The following SEMA6D variants were observed in gnomAD, a reference collection of about 807,000 sequenced individuals.
The protein encoded by SEMA6D is semaphorin 6D.
SEMA6D carries 35 observed loss-of-function variants against 106.6 expected under a neutral mutation model. The ratio of observed to expected loss-of-function variants is 0.33; its 90% CI spans 0.25 to 0.44. The LOEUF is 0.44. Among genes scored for constraint, SEMA6D ranks in the 20% least tolerant of loss-of-function variants. SEMA6D has a pLI of 1.00. For missense variants in SEMA6D, 1,185 were observed against 1,345.9 expected (o/e 0.88, Z 1.87); for synonymous variants, 499 against 487.7 (o/e 1.02, Z -0.31).
chr15:47,748,177 A>C (rs1446086537), intron 1 of SEMA6D, among the ~76,000 whole-genome samples: 2 of 152,230 alleles, frequency 1.3e-5, no homozygotes, highest in African/African-American at 4.8e-5. Context: ...CAGCACCTGA[A>C]GCTCATGAAC....
intron 2 of SEMA6D, among the ~76,000 whole-genome samples, chr15:47,460,533 T>C (rs1034183677): frequency 1.3e-5 from 2 of 152,122 alleles, no homozygotes; most frequent in African/African-American, 4.8e-5. Context: ...TACATCATGA[T>C]GCTGTGTGCT....
At chr15:47,580,870 T>TCAAC (rs2076243698) in intron 3 of SEMA6D, among the ~76,000 whole-genome samples, 1 of 152,224 alleles carries the variant, frequency 6.6e-6, no homozygotes, top group Non-Finnish European at 1.5e-5. Context: ...TGTGTTTGCT[T>TCAAC]ATGCATGAGT....
chr15:47,337,435 G>A (rs916926998), intron 1 of SEMA6D, among the ~76,000 whole-genome samples: 1 of 152,126 alleles, frequency 6.6e-6, no homozygotes, highest in Non-Finnish European at 1.5e-5. Context: ...GCTACAAATG[G>A]GTCTTGACAG....
At chr15:47,618,826 A>C (rs2077050794) in intron 4 of SEMA6D, among the ~76,000 whole-genome samples, 1 of 152,258 alleles carries the variant, frequency 6.6e-6, no homozygotes, top group Non-Finnish European at 1.5e-5. Flanking sequence ...TCATCTATAC[A>C]GTAGGGCTAT....
At chr15:47,477,158 A>G (rs1161385330) in intron 3 of SEMA6D, among the ~76,000 whole-genome samples, 4 of 151,036 alleles carry the variant, frequency 2.6e-5, no homozygotes, top group Admixed American at 2.0e-4. Context: ...ATTGCGTAGC[A>G]CTTGTTTTTG....
chr15:47,281,790 A>T (rs1283512256), intron 1 of SEMA6D, among the ~76,000 whole-genome samples: 2 of 152,148 alleles, frequency 1.3e-5, no homozygotes, highest in African/African-American at 2.4e-5. Context: ...TTGTTGTAAC[A>T]TTCTGGAACC....
chr15:47,589,648 A>G (rs1447699702), intron 3 of SEMA6D, among the ~76,000 whole-genome samples: 1 of 152,228 alleles, frequency 6.6e-6, no homozygotes, highest in African/African-American at 2.4e-5. Context: ...TCTTGCATAC[A>G]TATTTCCTTG....
chr15:47,600,187 C>T (rs1033457284), intron 3 of SEMA6D, among the ~76,000 whole-genome samples: 3 of 152,098 alleles, frequency 2.0e-5, no homozygotes, highest in Non-Finnish European at 2.9e-5. Context: ...AACTGAATAC[C>T]TAACTCAGCA....
intron 2 of SEMA6D, among the ~76,000 whole-genome samples, chr15:47,420,494 G>A (rs2041118052): frequency 6.6e-6 from 1 of 151,910 alleles, no homozygotes; most frequent in Non-Finnish European, 1.5e-5. Flanking sequence ...CCCCCTCTGT[G>A]CATGCTAGTT....
intron 4 of SEMA6D, among the ~76,000 whole-genome samples, chr15:47,633,536 G>A (rs1434402501): frequency 1.3e-5 from 2 of 152,082 alleles, no homozygotes; most frequent in Non-Finnish European, 2.9e-5. Flanking sequence ...TTTATCTGTG[G>A]TTGCTTTCAC....
chr15:47,362,696 TG>T (rs1265417963), intron 1 of SEMA6D, among the ~76,000 whole-genome samples: 1 of 152,186 alleles, frequency 6.6e-6, no homozygotes, highest in Non-Finnish European at 1.5e-5. Flanking sequence ...GAGCAGTGGC[TG>T]TGGCCAGCCA....
At chr15:47,750,895 AGTACCGATT>A (rs1302305216) in intron 1 of SEMA6D, among the ~76,000 whole-genome samples, 12 of 152,180 alleles carry the variant, frequency 7.9e-5, no homozygotes, top group Non-Finnish European at 1.5e-4. Context: ...GTGGGGTAGC[AGTACCGATT>A]CCTTAAATGA....
chr15:47,262,083 A>G (rs2034100329), intron 1 of SEMA6D, among the ~76,000 whole-genome samples: 1 of 152,156 alleles, frequency 6.6e-6, no homozygotes, highest in Non-Finnish European at 1.5e-5. Context: ...CCCATTCACA[A>G]TTGCCACAAA....
intron 3 of SEMA6D, among the ~76,000 whole-genome samples, chr15:47,496,710 T>G (rs186139803): frequency 6.6e-6 from 1 of 152,182 alleles, no homozygotes. Flanking sequence ...TTTTCCCATG[T>G]TTTTTTCTGA....
At chr15:47,508,401 AT>A (rs1566841705) in intron 3 of SEMA6D, among the ~76,000 whole-genome samples, 1 of 152,204 alleles carries the variant, frequency 6.6e-6, no homozygotes, top group East Asian at 1.9e-4. Flanking sequence ...GAGGCTGGGG[AT>A]AAGGTCAAGT....
intron 3 of SEMA6D, among the ~76,000 whole-genome samples, chr15:47,559,228 T>A (rs926199886): frequency 1.3e-5 from 2 of 152,114 alleles, no homozygotes; most frequent in South Asian, 2.1e-4. Flanking sequence ...TTAAAGTGTT[T>A]CTCTTCAAGC....
chr15:47,255,954 C>G (rs1307400309), intron 1 of SEMA6D, among the ~76,000 whole-genome samples: 3 of 152,150 alleles, frequency 2.0e-5, no homozygotes, highest in African/African-American at 7.2e-5. Flanking sequence ...AAAAGGCTAT[C>G]TTTGCTCTCT....
At chr15:47,470,985 C>G (rs953999008) in intron 3 of SEMA6D, among the ~76,000 whole-genome samples, 4 of 152,104 alleles carry the variant, frequency 2.6e-5, no homozygotes, top group African/African-American at 9.7e-5. Context: ...CTGTAATGGC[C>G]TTGTCTGTTA....
In SEMA6D at chr15:47,643,345, G is replaced by C. The variant is rs573359472; in HGVS notation, c.-55+42449G>C. Among the ~76,000 whole-genome samples, 9 of 152,314 alleles carry C rather than the reference G, an allele frequency of 5.9e-5. No individual in the cohort carries two copies. In the East Asian group the frequency reaches 1.7e-3, roughly 29 times the overall value. ...AGAAGAAAATATATCTTGTTGCACAGTGTAGACTCTCAGTGTCTGCAGCAT... is the reference window on the plus strand; with the variant it reads ...AGAAGAAAATATATCTTGTTGCACACTGTAGACTCTCAGTGTCTGCAGCAT... On this transcript the variant is annotated intron_variant, in intron 4 of 19. Transcript: ENST00000558014.
Sources: gnomAD v4.1 joint callset for allele counts (sites outside exome capture counted in the v4.1 genomes callset) on GRCh38, gnomAD v4.1.1 for gene constraint, MANE v1.5 for transcripts, NCBI Gene and HGNC (gene_info 2026-07-23, HGNC 2026-07-21) for gene names.